MROH1: variants seen among roughly 807,000 people sequenced by gnomAD.
MROH1 encodes the protein maestro heat-like repeat-containing protein family member 1.
Under a neutral mutation model 116.5 loss-of-function variants are expected in MROH1, and 117 were observed. That is an observed-to-expected ratio of 1.00 (90% confidence interval 0.86 to 1.17). The LOEUF is 1.17. Ranked by LOEUF, MROH1 falls within the 50% of genes most tolerant of loss-of-function variation. The probability of loss-of-function intolerance (pLI) is 0.00; values close to 1 mark genes in which losing one functional copy is unlikely to be tolerated. For missense variants in MROH1, 1,873 were observed against 1,338.5 expected (o/e 1.40, Z -6.23); for synonymous variants, 921 against 583.9 (o/e 1.58, Z -8.32).
chr8:144,232,372 T>A (rs943920459), intron 14 of MROH1, among the ~76,000 whole-genome samples: 2 of 152,220 alleles, frequency 1.3e-5, no homozygotes, highest in Non-Finnish European at 2.9e-5. Flanking sequence ...TATGGATTGA[T>A]GTCAAAATTG....
Position 144,163,840 on chromosome 8 carries a change from C to CCATG in MROH1, c.15_18dup (p.Lys7HisfsTer15). 6.2e-7 allele frequency: 1 copy of CCATG among 1,613,676 alleles called. No homozygotes were observed. ...GAAACCACAGACATGACTGAGTCCT[C>CCATG]CATGAAGAGTGAGTGCATGGGGATT... On this transcript the variant is annotated frameshift_variant, in exon 3 of 44. Transcript: ENST00000326134. LOFTEE classifies it high-confidence loss of function. This position sits in a 1 kb window ranked among gnomAD's most constrained non-coding sequence, Gnocchi z 4.4.
intron 14 of MROH1, among the ~76,000 whole-genome samples, chr8:144,236,405 G>C (rs1840045437): frequency 6.6e-6 from 1 of 152,146 alleles, no homozygotes; most frequent in Non-Finnish European, 1.5e-5. Flanking sequence ...TTTGTAGGGA[G>C]ATCTTTGGGA....
chr8:144,254,591 T>C, intron 33 of MROH1: 1 of 564,228 alleles, frequency 1.8e-6, no homozygotes, highest in East Asian at 3.0e-5. Flanking sequence ...GGCCCAGATT[T>C]TTCTCTGTGT....
Position 144,190,736 on chromosome 8 carries a change from G to A in MROH1, c.563-48G>A, listed in dbSNP as rs749713239. ...GAGGCAGACATAGGTGCTGAGGATC[G>A]TCACAAACCCATGGCCTGCAGCCAC... On this transcript the variant is annotated intron_variant, in intron 7 of 43. Coordinates refer to ENST00000326134, the MANE Select transcript of MROH1 (RefSeq NM_032450.3). 1.1e-5 allele frequency: 17 copies of A among 1,591,084 alleles called. No individual in the cohort carries two copies. In the Admixed American group the frequency reaches 1.2e-4, roughly 11 times the overall value.
In MROH1 at chr8:144,258,792, C is replaced by T; in HGVS notation, c.3807C>T (p.Thr1269=). The change falls in exon 36 of 44, where the codon ACC becomes ACT. Residue 1269 remains threonine, a synonymous_variant. Transcript: ENST00000326134. ...NLEPCSSAVD[T]LRSMLLRSGS... ...AATCCTGCAGCTCTGCAGTGGACAC[C>T]CTGCGGTCCATGCTACTCCGCAGCG... 1.3e-6 allele frequency: 1 copy of T among 768,058 alleles called. No individual in the cohort carries two copies. The highest frequency in any genetic ancestry group is 2.5e-5 in the East Asian group (1 of 40,774). The allele number at this position is 768,058 out of a possible 1,614,324, so 47.6% of individuals were successfully genotyped here. A position where few individuals can be genotyped will look rare whatever the true frequency, so the allele number is the denominator to read the frequency against.
intron 1 of MROH1, among the ~76,000 whole-genome samples, chr8:144,151,521 C>G (rs1205327260): frequency 6.6e-6 from 1 of 152,156 alleles, no homozygotes; most frequent in Non-Finnish European, 1.5e-5. Context: ...TTTCTGGCTC[C>G]CCCATTGGCT....
chr8:144,160,718 T>C (rs61207408), intron 1 of MROH1, among the ~76,000 whole-genome samples: 1,701 of 122,478 alleles, frequency 0.014, 14 homozygotes, highest in African/African-American at 0.079. Context: ...AGGGTCCCAC[T>C]GGCTAGAACC....
chr8:144,200,616 C>G (rs961384669), intron 12 of MROH1, 75 bp downstream of exon 12: 3 of 1,040,112 alleles, frequency 2.9e-6, no homozygotes, highest in Middle Eastern at 2.0e-4. Context: ...CAGATTGTGT[C>G]CCTCTAAGTG....
chr8:144,177,397 G>A (rs957559334), intron 4 of MROH1, among the ~76,000 whole-genome samples: 10 of 152,220 alleles, frequency 6.6e-5, no homozygotes, highest in Non-Finnish European at 1.2e-4. Flanking sequence ...AATAGTTTCT[G>A]AACAAAACCA....
At chr8:144,238,940 C>G in intron 15 of MROH1, 77 bp downstream of exon 15, 1 of 768,858 alleles carries the variant, frequency 1.3e-6, no homozygotes, top group East Asian at 2.4e-5. Flanking sequence ...TCAGGCCCAG[C>G]AAAGGGTCTG....
chr8:144,256,594 C>T lies in MROH1; in HGVS notation c.3791+889C>T, dbSNP rs924743745. On this transcript the variant is annotated intron_variant, in intron 35 of 43. Coordinates refer to ENST00000326134, the MANE Select transcript of MROH1 (RefSeq NM_032450.3). ...GATGGGGCAGCCACCAGCCCCTGGG[C>T]CTGGCCTGCTGCGAATCAGTGCCTC... Among the ~76,000 whole-genome samples, 31 of 152,374 alleles carry T rather than the reference C, an allele frequency of 2.0e-4. 1 individual carries two copies. Among genetic ancestry groups the T allele is most frequent in the African/African-American group, 7.5e-4 (31 of 41,598 alleles).
intron 4 of MROH1, among the ~76,000 whole-genome samples, chr8:144,177,827 T>C (rs919113990): frequency 1.3e-5 from 2 of 152,186 alleles, no homozygotes; most frequent in Non-Finnish European, 2.9e-5. Flanking sequence ...CTATGTGAGA[T>C]GTGCCTGCTT....
At chr8:144,214,677 G>T (rs1181345453) in intron 12 of MROH1, among the ~76,000 whole-genome samples, 12 of 152,152 alleles carry the variant, frequency 7.9e-5, no homozygotes, top group Admixed American at 7.9e-4. Context: ...CCCAGCCATT[G>T]TTCGTTCCCT....
intron 14 of MROH1, among the ~76,000 whole-genome samples, chr8:144,224,008 A>T (rs1233613659): frequency 6.6e-6 from 1 of 152,164 alleles, no homozygotes; most frequent in Non-Finnish European, 1.5e-5. Flanking sequence ...AGCCGCACAC[A>T]TGCCTGTTCT....
At chr8:144,249,076 A>T in intron 32 of MROH1, 47 bp downstream of exon 32, 1 of 703,948 alleles carries the variant, frequency 1.4e-6, no homozygotes, top group East Asian at 2.8e-5. Context: ...AAGGTGGGAG[A>T]GGGCGCGGTG....
At position 144,247,558 on chromosome 8, in the gene MROH1, G is replaced by A. The variant is rs1014705096; in HGVS notation, c.3008-9G>A. On this transcript the variant is annotated splice_polypyrimidine_tract_variant and intron_variant, in intron 30 of 43. Transcript: ENST00000326134. ...CTGGGCCCGACTGCTCATTCCTGCC[G>A]CCTCTCAGGCTTCTCCCGGGACTAC... The A allele has an allele frequency of 9.1e-5, 70 of 772,054 alleles. No homozygotes were observed. The East Asian group carries it at 1.5e-3, about 17-fold the overall frequency. The allele number at this position is 772,054 out of a possible 1,614,324, so 47.8% of individuals were successfully genotyped here.
Position 144,168,294 on chromosome 8 carries a change from G to A in MROH1, c.23-1G>A. Reference sequence around the variant, plus strand: ...ATGCTAACCAGGCTTTGTCGCTGCAGAGCTGGCCTCCACCCTGCTGGACGC... The same window carrying A: ...ATGCTAACCAGGCTTTGTCGCTGCAAAGCTGGCCTCCACCCTGCTGGACGC... On this transcript the variant is annotated splice_acceptor_variant, in intron 3 of 43. Transcript: ENST00000326134. LOFTEE classifies it high-confidence loss of function. The A allele has an allele frequency of 6.3e-7, 1 of 1,598,078 alleles. No individual in the cohort carries two copies. Among genetic ancestry groups the A allele is most frequent in the Non-Finnish European group, 8.5e-7 (1 of 1,175,938 alleles).
intron 12 of MROH1, among the ~76,000 whole-genome samples, chr8:144,216,717 T>C (rs1168675649): frequency 6.8e-6 from 1 of 147,694 alleles, no homozygotes; most frequent in Non-Finnish European, 1.5e-5. Flanking sequence ...TGAAATGGAG[T>C]CTTGCTGTGT....
At chr8:144,254,724 G>A (rs1056461970) in intron 33 of MROH1, 89 bp from the exon 34 acceptor site, 8 of 674,068 alleles carry the variant, frequency 1.2e-5, no homozygotes, top group Admixed American at 6.3e-5. Flanking sequence ...TCTGAGCGTC[G>A]TGGAGCCAGG....
Sources: gnomAD v4.1 joint callset for allele counts (sites outside exome capture counted in the v4.1 genomes callset) on GRCh38, gnomAD v4.1.1 for gene constraint, Gnocchi (gnomAD v3.1) non-coding constraint, MANE v1.5 for transcripts, NCBI Gene and HGNC (gene_info 2026-07-23, HGNC 2026-07-21) for gene names.